The following CCDC60 variants were observed in gnomAD, a reference collection of about 807,000 sequenced individuals.
CCDC60 encodes the protein coiled-coil domain containing 60, also known as coiled-coil domain-containing protein 60.
In CCDC60, 54 loss-of-function variants were observed where a neutral mutation model predicts 63.5. The observed-to-expected ratio is 0.85, with a 90% CI of 0.68 to 1.07. CCDC60 has a LOEUF of 1.07. CCDC60 is among the 50% of genes least tolerant of loss of function. The probability of loss-of-function intolerance (pLI) is 0.00; values close to 1 mark genes in which losing one functional copy is unlikely to be tolerated. For missense variants in CCDC60, 651 were observed against 684.3 expected, an observed-to-expected ratio of 0.95 and a Z score of 0.54; for synonymous variants, 206 against 238.8, an observed-to-expected ratio of 0.86 and a Z score of 1.27.
At chr12:119,390,708 C>T (rs1410977663) in intron 1 of CCDC60, among the ~76,000 whole-genome samples, 1 of 152,144 alleles carries the variant, frequency 6.6e-6, no homozygotes, top group Admixed American at 6.5e-5. Flanking sequence ...TTCAGCAGCT[C>T]GGAGTAGGGC....
chr12:119,493,414 A>G (rs1951638503), intron 5 of CCDC60, among the ~76,000 whole-genome samples: 1 of 152,146 alleles, frequency 6.6e-6, no homozygotes, highest in African/African-American at 2.4e-5. Flanking sequence ...CAGAAGAACA[A>G]TCTTTGTTAG....
At chr12:119,438,454 G>C (rs957068826) in intron 2 of CCDC60, among the ~76,000 whole-genome samples, 1 of 152,238 alleles carries the variant, frequency 6.6e-6, no homozygotes, top group Non-Finnish European at 1.5e-5. Flanking sequence ...ACAGAGCATA[G>C]TCAAAAGTCT....
At chr12:119,369,099 G>T (rs1338183004) in intron 1 of CCDC60, among the ~76,000 whole-genome samples, 1 of 152,084 alleles carries the variant, frequency 6.6e-6, no homozygotes, top group Non-Finnish European at 1.5e-5. Flanking sequence ...CAGAACTAGG[G>T]ATACAGGAGG....
chr12:119,352,930 ACT>A lies in CCDC60; in HGVS notation c.90+17667_90+17668del, dbSNP rs535909663. Among the ~76,000 whole-genome samples, 46 of 151,582 alleles carry A rather than the reference ACT, an allele frequency of 3.0e-4. 1 individual carries two copies. The South Asian group carries it at 3.8e-3, about 12-fold the overall frequency. On this transcript the variant is annotated intron_variant, in intron 1 of 13. Transcript: ENST00000327554. ...ACTCCAGCCTGGGTAACAGAGTGAG[ACT>A]CTGTCTCAATAATTAAAATTAAAAT...
intron 9 of CCDC60, 93 bp from the exon 10 acceptor site, chr12:119,522,846 C>T: frequency 1.8e-6 from 2 of 1,089,076 alleles, no homozygotes; most frequent in Non-Finnish European, 2.9e-6. Context: ...ATGCCTGAAT[C>T]CTGGAAGCTA....
intron 1 of CCDC60, among the ~76,000 whole-genome samples, chr12:119,349,612 T>A (rs1480090611): frequency 6.6e-6 from 1 of 152,084 alleles, no homozygotes; most frequent in Non-Finnish European, 1.5e-5. Flanking sequence ...GTGCTTGGAT[T>A]ATAGGCGTGA....
At chr12:119,489,805 CTT>C (rs764715710) in intron 5 of CCDC60, among the ~76,000 whole-genome samples, 5 of 144,410 alleles carry the variant, frequency 3.5e-5, no homozygotes, top group Admixed American at 6.9e-5. Flanking sequence ...AAACCTGAGT[CTT>C]TTTTTTTTTT....
At chr12:119,403,158 GATCTTCTCTTTCCCA>G (rs916327859) in intron 1 of CCDC60, among the ~76,000 whole-genome samples, 3 of 152,158 alleles carry the variant, frequency 2.0e-5, no homozygotes, top group African/African-American at 7.2e-5. Context: ...AGCAGAAAGA[GATCTTCTCTTTCCCA>G]AGAGCAGCAG....
chr12:119,483,731 G>A (rs772819099), intron 4 of CCDC60, among the ~76,000 whole-genome samples: 12 of 152,200 alleles, frequency 7.9e-5, no homozygotes, highest in Admixed American at 7.2e-4. Flanking sequence ...TGTGCTGACT[G>A]CTGGCACTCG....
chr12:119,530,268 T>C (rs1421054498), intron 12 of CCDC60, among the ~76,000 whole-genome samples: 1 of 66,040 alleles, frequency 1.5e-5, no homozygotes, highest in African/African-American at 7.0e-5. Flanking sequence ...GGTGAGGGAG[T>C]TTTTTTTTTT....
intron 1 of CCDC60, among the ~76,000 whole-genome samples, chr12:119,385,072 C>T (rs1187345952): frequency 6.6e-6 from 1 of 152,212 alleles, no homozygotes; most frequent in African/African-American, 2.4e-5. Flanking sequence ...GTCCTGGCAA[C>T]ATTGTGTTAT....
Position 119,523,669 on chromosome 12 carries a change from AGCCCTTC to A in CCDC60, c.1104-23_1104-17del. Reference sequence around the variant, plus strand: ...GGACATCCCTGGGCTCCATTCCCCAAGCCCTTCTTATCTGTGTCCACAGCCGCACTAA... The same window carrying A: ...GGACATCCCTGGGCTCCATTCCCCAATTATCTGTGTCCACAGCCGCACTAA... On this transcript the variant is annotated splice_polypyrimidine_tract_variant and intron_variant, in intron 10 of 13. Transcript: ENST00000327554. The A allele has an allele frequency of 6.2e-7, 1 of 1,613,224 alleles. No individual in the cohort carries two copies. The highest frequency in any genetic ancestry group is 8.5e-7 in the Non-Finnish European group (1 of 1,179,594).
chr12:119,524,571 A>C (rs1952628095), intron 11 of CCDC60: 1 of 432,022 alleles, frequency 2.3e-6, no homozygotes, highest in African/African-American at 2.2e-5. Flanking sequence ...CCAGTAGGGA[A>C]GATGGAAAGG....
chr12:119,350,784 C>T (rs1955648432), intron 1 of CCDC60, among the ~76,000 whole-genome samples: 1 of 152,118 alleles, frequency 6.6e-6, no homozygotes, highest in Non-Finnish European at 1.5e-5. Context: ...TTTCAGAAGT[C>T]CACCCCATTC....
At chr12:119,527,666 CTTTTTTTTT>C (rs869099213) in intron 11 of CCDC60, among the ~76,000 whole-genome samples, 2 of 84,974 alleles carry the variant, frequency 2.4e-5, no homozygotes, top group Non-Finnish European at 4.2e-5. Context: ...TTCTTTCTTT[CTTTTTTTTT>C]TTTTTTTTTT....
chr12:119,357,826 T>C (rs1054339347), intron 1 of CCDC60, among the ~76,000 whole-genome samples: 2 of 152,164 alleles, frequency 1.3e-5, no homozygotes, highest in African/African-American at 4.8e-5. Flanking sequence ...TATAAAGAAA[T>C]ACCTGAGACT....
chr12:119,391,863 C>A (rs1280344585), intron 1 of CCDC60, among the ~76,000 whole-genome samples: 1 of 152,130 alleles, frequency 6.6e-6, no homozygotes, highest in African/African-American at 2.4e-5. Context: ...AAGCTTTCTG[C>A]AGTGGGGTCC....
In CCDC60 at chr12:119,478,540, G is replaced by C. The variant is rs867905363; in HGVS notation, c.342-554G>C. Among the ~76,000 whole-genome samples, 3 of 150,426 alleles carry C rather than the reference G, an allele frequency of 2.0e-5. No individual in the cohort carries two copies. In the South Asian group the frequency reaches 6.3e-4, roughly 32 times the overall value. On this transcript the variant is annotated intron_variant, in intron 3 of 13. Transcript: ENST00000327554. ...CCCTAGTATAATATACTAGTATGCC[G>C]CATGATTTATCTTGTTTATTCTCTT...
chr12:119,384,649 C>T (rs1036167553), intron 1 of CCDC60, among the ~76,000 whole-genome samples: 9 of 152,336 alleles, frequency 5.9e-5, no homozygotes, highest in Non-Finnish European at 1.2e-4. Context: ...ATCCTGGCTT[C>T]TGCCTACCTG....
Sources: allele counts gnomAD v4.1 joint callset (sites outside exome capture counted in the v4.1 genomes callset), GRCh38; gene constraint gnomAD v4.1.1; transcripts MANE v1.5; gene names NCBI Gene and HGNC (gene_info 2026-07-23, HGNC 2026-07-21).